The following NELFB variants were observed in gnomAD, a reference collection of about 807,000 sequenced individuals.
NELFB encodes negative elongation factor complex member B, also known as negative elongation factor B.
Under a neutral mutation model 60.2 loss-of-function variants are expected in NELFB, and 34 were observed. That is an observed-to-expected ratio of 0.56 (90% CI 0.43 to 0.75). NELFB has a LOEUF of 0.75. NELFB is among the 30% of genes least tolerant of loss of function. The pLI, the probability that NELFB is intolerant of heterozygous loss-of-function variation, is 0.00. For synonymous variants in NELFB, 459 were observed against 382.1 expected, an observed-to-expected ratio of 1.20 and a Z score of -2.35; for missense variants, 770 against 831.6, an observed-to-expected ratio of 0.93 and a Z score of 0.91.
Position 137,264,349 on chromosome 9 carries a change from G to A in NELFB, c.1032G>A (p.Gln344=). 6.3e-7 allele frequency: 1 copy of A among 1,586,594 alleles called. No individual in the cohort carries two copies. The highest frequency in any genetic ancestry group is 8.6e-7 in the Non-Finnish European group (1 of 1,168,222). ...ATGGCGTCAAGAAGGGCCAGGAGCAGGTGCTGGGGTGAGGGTCGGCTCCAC... is the reference window on the plus strand; with the variant it reads ...ATGGCGTCAAGAAGGGCCAGGAGCAAGTGCTGGGGTGAGGGTCGGCTCCAC... The change falls in exon 6 of 13, where the codon CAG becomes CAA. Residue 344 remains glutamine (Q), a synonymous_variant. Coordinates refer to ENST00000343053, the MANE Select transcript of NELFB (RefSeq NM_015456.5).
chr9:137,262,333 C>T (rs913205946), intron 4 of NELFB, among the ~76,000 whole-genome samples: 2 of 152,310 alleles, frequency 1.3e-5, no homozygotes, highest in South Asian at 2.1e-4. Context: ...CCTGGTCCGC[C>T]TGGCAACGGG....
At chr9:137,259,173 A>T (rs1447542379) in intron 4 of NELFB, among the ~76,000 whole-genome samples, 1 of 152,164 alleles carries the variant, frequency 6.6e-6, no homozygotes, top group East Asian at 1.9e-4. Flanking sequence ...CCTGGGCGAC[A>T]GAGTGAGAGA....
Position 137,272,516 on chromosome 9 carries a change from C to T in NELFB, c.1641C>T (p.Asn547=), listed in dbSNP as rs752974570. The T allele has an allele frequency of 9.3e-6, 15 of 1,611,784 alleles. No homozygotes were observed. The highest frequency in any genetic ancestry group is 1.1e-5 in the Non-Finnish European group (13 of 1,179,398). ...GCACGGCCTTTTCCAGGAAGGAGAA[C>T]GTGCACCGGCACGCGCTGCGGCTCC... The change falls in exon 12 of 13, where the codon AAC becomes AAT. Residue 547 remains asparagine, a synonymous_variant. Coordinates refer to ENST00000343053, the MANE Select transcript of NELFB (RefSeq NM_015456.5).
At chr9:137,260,941 C>T (rs1397857543) in intron 4 of NELFB, among the ~76,000 whole-genome samples, 1 of 151,756 alleles carries the variant, frequency 6.6e-6, no homozygotes, top group East Asian at 2.0e-4. Flanking sequence ...CGCCTGTAGT[C>T]CCAGCTACTC....
In NELFB at chr9:137,266,377, A is replaced by C; in HGVS notation, c.1190A>C (p.Gln397Pro). Residue 397 changes from glutamine (Q) to proline (P), a missense_variant, in exon 8 of 13, where the codon CAG becomes CCG. By Grantham distance (76) the Gln-to-Pro change is moderately conservative. Coordinates refer to ENST00000343053, the MANE Select transcript of NELFB (RefSeq NM_015456.5). ...CTGCTCCGGCTGCTGGCGCTGGGCC[A>C]GGGAGCCTGGGACATGATCGACAGC... 1 of 1,612,976 alleles carries C rather than the reference A, an allele frequency of 6.2e-7. No individual in the cohort carries two copies. Among genetic ancestry groups the C allele is most frequent in the Non-Finnish European group, 8.5e-7 (1 of 1,179,978 alleles).
intron 12 of NELFB, 53 bp from the exon 13 acceptor site, chr9:137,272,729 C>T (rs1048518693): frequency 2.1e-5 from 32 of 1,517,672 alleles, no homozygotes; most frequent in African/African-American, 4.1e-5. Context: ...CACCCCTGTG[C>T]CCCCTGGGCC....
In NELFB at chr9:137,256,035, G is replaced by C; in HGVS notation, c.375G>C (p.Val125=). 1 of 1,613,772 alleles carries C rather than the reference G, an allele frequency of 6.2e-7. No individual in the cohort carries two copies. Among genetic ancestry groups the C allele is most frequent in the Non-Finnish European group, 8.5e-7 (1 of 1,180,020 alleles). ...TGCGGGACAAGCTGCTGGAGCGAGT[G>C]TCAGCCATCGCTTCGGAGGGGAAGG... The change falls in exon 2 of 13, where the codon GTG becomes GTC. Residue 125 remains valine, a synonymous_variant. Coordinates refer to ENST00000343053, the MANE Select transcript of NELFB (RefSeq NM_015456.5).
In NELFB at chr9:137,257,033, C is replaced by A. The variant is rs568692372; in HGVS notation, c.720C>A (p.Pro240=). Residue 240 remains proline, a synonymous_variant, in exon 4 of 13, where the codon CCC becomes CCA. Coordinates refer to ENST00000343053, the MANE Select transcript of NELFB (RefSeq NM_015456.5). Reference sequence around the variant, plus strand: ...TGCACAACTTTTTCAGTCCTTCCCCCAAGACCAGGCGCCAGGGCGAGGTGA... The same window carrying A: ...TGCACAACTTTTTCAGTCCTTCCCCAAAGACCAGGCGCCAGGGCGAGGTGA... 6.2e-7 allele frequency: 1 copy of A among 1,612,298 alleles called. No homozygotes were observed. Among genetic ancestry groups the A allele is most frequent in the South Asian group, 1.1e-5 (1 of 91,076 alleles).
At chr9:137,262,470 CTGTA>C (rs1830460971) in intron 4 of NELFB, among the ~76,000 whole-genome samples, 1 of 152,208 alleles carries the variant, frequency 6.6e-6, no homozygotes, top group African/African-American at 2.4e-5. Context: ...GCTCCTATCT[CTGTA>C]TGGCCTGGTT....
At chr9:137,267,753 A>G (rs1284522488) in intron 10 of NELFB, among the ~76,000 whole-genome samples, 3 of 152,026 alleles carry the variant, frequency 2.0e-5, no homozygotes, top group Non-Finnish European at 2.9e-5. Flanking sequence ...CGGCCTCCCA[A>G]AGTGTTGGGA....
intron 6 of NELFB, among the ~76,000 whole-genome samples, chr9:137,265,547 C>T (rs950599664): frequency 3.9e-5 from 6 of 152,002 alleles, no homozygotes; most frequent in South Asian, 4.2e-4. Flanking sequence ...CACCACCACG[C>T]CCGGCTAATT....
chr9:137,266,908 G>A (rs1212125352), intron 8 of NELFB, 36 bp from the exon 9 acceptor site: 5 of 1,608,494 alleles, frequency 3.1e-6, no homozygotes, highest in South Asian at 1.1e-5. Flanking sequence ...GGCAGGGCCC[G>A]GGCCCGCGCC....
At chr9:137,256,744 G>A (rs532863952) in intron 3 of NELFB, 80 bp from the exon 4 acceptor site, 1 of 1,366,296 alleles carries the variant, frequency 7.3e-7, no homozygotes, top group Admixed American at 1.9e-5. Flanking sequence ...GGTCTCTGCG[G>A]GGCTGAGGCC....
At chr9:137,260,404 T>A (rs927368732) in intron 4 of NELFB, among the ~76,000 whole-genome samples, 4 of 73,916 alleles carry the variant, frequency 5.4e-5, no homozygotes, top group African/African-American at 7.4e-5. Context: ...AAATTTTTTT[T>A]ATTTATTTTA....
At chr9:137,263,475 C>T (rs535634767) in intron 5 of NELFB, among the ~76,000 whole-genome samples, 1 of 134,736 alleles carries the variant, frequency 7.4e-6, no homozygotes, top group East Asian at 2.3e-4. Flanking sequence ...TCTCCTTCCC[C>T]CTCTGCCCCT....
At position 137,269,070 on chromosome 9, in the gene NELFB, C is replaced by A. The variant is rs894713993; in HGVS notation, c.1489+1724C>A. On this transcript the variant is annotated intron_variant, in intron 10 of 12. Coordinates refer to ENST00000343053, the MANE Select transcript of NELFB (RefSeq NM_015456.5). The surrounding 1 kb of genome is among the most constrained non-coding windows in gnomAD (Gnocchi z 5.3). The stretch of plus-strand genomic sequence containing the variant: ...TGGGGATCAGGTTTCCGATGGTGAA[C>A]TTGGGGACACGTCCACACCACAGCA... 2.0e-5 allele frequency among the ~76,000 whole-genome samples: 3 copies of A among 151,540 alleles called. No individual in the cohort carries two copies. Among genetic ancestry groups the A allele is most frequent in the African/African-American group, 7.3e-5 (3 of 41,230 alleles).
rs1830608029 is a variant in NELFB at position 137,273,270 on chromosome 9, A to G, written c.*342A>G. 7.9e-6 allele frequency: 2 copies of G among 253,726 alleles called. No individual in the cohort carries two copies. The highest frequency in any genetic ancestry group is 1.5e-5 in the Non-Finnish European group (2 of 131,872). 15.7% of individuals were successfully genotyped at this position (253,726 alleles called of 1,614,324 possible). A position where few individuals can be genotyped will look rare whatever the true frequency, so the allele number is the denominator to read the frequency against. ...GGGGGCGGGGCCTCTTCATTGGCCC[A>G]GCTTGGCGAAAGCGAGGCACACTGC... On this transcript the variant is annotated 3_prime_UTR_variant, in exon 13 of 13. Coordinates refer to ENST00000343053, the MANE Select transcript of NELFB (RefSeq NM_015456.5).
intron 4 of NELFB, among the ~76,000 whole-genome samples, chr9:137,257,870 G>A (rs1288003299): frequency 1.6e-4 from 24 of 151,650 alleles, no homozygotes; most frequent in South Asian, 2.1e-4. Flanking sequence ...GTGCAGTGGC[G>A]TGATCACGAC....
chr9:137,256,585 G>A (rs969981803), intron 3 of NELFB, among the ~76,000 whole-genome samples, 157 bp downstream of exon 3: 1 of 152,238 alleles, frequency 6.6e-6, no homozygotes, highest in African/African-American at 2.4e-5. Flanking sequence ...TCTCCCACAT[G>A]AGCCGCGTGG....
Sources: gnomAD v4.1 joint callset for allele counts (sites outside exome capture counted in the v4.1 genomes callset) on GRCh38, gnomAD v4.1.1 for gene constraint, Gnocchi (gnomAD v3.1) non-coding constraint, MANE v1.5 for transcripts, NCBI Gene and HGNC (gene_info 2026-07-23, HGNC 2026-07-21) for gene names.